Variants in KIF26B observed in about 807,000 individuals in gnomAD.
KIF26B encodes kinesin-like protein KIF26B.
KIF26B carries 63 observed loss-of-function variants against 151.2 expected under a neutral mutation model. The observed-to-expected ratio is 0.42, with a 90% CI of 0.34 to 0.51. The LOEUF is 0.51. KIF26B is among the 20% of genes least tolerant of loss of function. The pLI, the probability that KIF26B is intolerant of heterozygous loss-of-function variation, is 0.07. For missense variants in KIF26B, 2,813 were observed against 2,913.6 expected (o/e 0.97, Z 0.79); for synonymous variants, 1,357 against 1,262.1 (o/e 1.08, Z -1.59).
chr1:245,403,408 T>C (rs1025566798), intron 3 of KIF26B, among the ~76,000 whole-genome samples: 1 of 152,278 alleles, frequency 6.6e-6, no homozygotes, highest in Admixed American at 6.5e-5. Flanking sequence ...TGGGCATGTT[T>C]ACTGATCCTC....
At chr1:245,411,467 C>T (rs1160934685) in intron 3 of KIF26B, among the ~76,000 whole-genome samples, 1 of 152,182 alleles carries the variant, frequency 6.6e-6, no homozygotes, top group African/African-American at 2.4e-5. Context: ...GTGCTTCCCT[C>T]CTCAGTGAGT....
At chr1:245,583,504 G>A (rs943354747) in intron 5 of KIF26B, among the ~76,000 whole-genome samples, 5 of 152,080 alleles carry the variant, frequency 3.3e-5, no homozygotes, top group African/African-American at 1.2e-4. Flanking sequence ...GACCTGCTGG[G>A]GGAAATTCAT....
In KIF26B at chr1:245,702,534, G is replaced by A. The variant is rs764864272; in HGVS notation, c.6255G>A (p.Glu2085=). ...EALECVTERL[E]SRVNFCKAHL... ...TGGAGTGTGTGACGGAGCGCCTGGAGAGCCGTGTCAACTTCTGCAAGGCCC... is the reference window on the plus strand; with the variant it reads ...TGGAGTGTGTGACGGAGCGCCTGGAAAGCCGTGTCAACTTCTGCAAGGCCC... The change falls in exon 15 of 15, where the codon GAG becomes GAA. Residue 2085 remains glutamate, a synonymous_variant. Transcript: ENST00000407071. This position sits in a 1 kb window ranked among gnomAD's most constrained non-coding sequence, Gnocchi z 4.1. The A allele has an allele frequency of 2.5e-6, 4 of 1,613,994 alleles. No individual in the cohort carries two copies. Among genetic ancestry groups the A allele is most frequent in the South Asian group, 1.1e-5 (1 of 91,078 alleles).
chr1:245,194,081 T>C (rs1669153141), intron 2 of KIF26B, among the ~76,000 whole-genome samples: 1 of 152,194 alleles, frequency 6.6e-6, no homozygotes, highest in Admixed American at 6.5e-5. Context: ...GGACACTGGG[T>C]CATTTGATTT....
At chr1:245,573,063 C>A (rs927216216) in intron 5 of KIF26B, among the ~76,000 whole-genome samples, 1 of 152,118 alleles carries the variant, frequency 6.6e-6, no homozygotes, top group African/African-American at 2.4e-5. Context: ...GAATAACAAG[C>A]AAAAGCAAAA....
At chr1:245,196,008 G>A (rs985036875) in intron 2 of KIF26B, among the ~76,000 whole-genome samples, 1 of 152,188 alleles carries the variant, frequency 6.6e-6, no homozygotes, top group Non-Finnish European at 1.5e-5. Context: ...TGGGGCTTGA[G>A]GTTATCCTCG....
In KIF26B at chr1:245,268,978, A is replaced by G. The variant is rs561561595; in HGVS notation, c.466-97856A>G. ...TGTGTAGTGGGTTGAATAGGGACCC[A>G]CCAAAAAAGGTGTGTCCACCTAGAA... On this transcript the variant is annotated intron_variant, in intron 2 of 14. Transcript: ENST00000407071. Among the ~76,000 whole-genome samples, 38 of 152,216 alleles carry G rather than the reference A, an allele frequency of 2.5e-4. No homozygotes were observed. The East Asian group carries it at 7.3e-3, about 29-fold the overall frequency.
chr1:245,581,830 T>G (rs1405948733), intron 5 of KIF26B, among the ~76,000 whole-genome samples: 1 of 152,012 alleles, frequency 6.6e-6, no homozygotes, highest in Non-Finnish European at 1.5e-5. Flanking sequence ...GGTGGGAGGA[T>G]TTCTTGAGCC....
At chr1:245,338,708 A>G (rs1672281106) in intron 2 of KIF26B, among the ~76,000 whole-genome samples, 1 of 152,188 alleles carries the variant, frequency 6.6e-6, no homozygotes, top group Non-Finnish European at 1.5e-5. Context: ...GGCATGGAGC[A>G]GTATGTTGTA....
At chr1:245,353,552 G>T (rs1353375008) in intron 2 of KIF26B, 1 of 152,520 alleles carries the variant, frequency 6.6e-6, no homozygotes, top group African/African-American at 2.4e-5. Context: ...GATTCATGAG[G>T]TGGGGGTCTA....
In KIF26B at chr1:245,422,449, C is replaced by T. The variant is rs146409146; in HGVS notation, c.1166+2704C>T. Reference sequence around the variant, plus strand: ...AAGCAGAAGTGTGACTGACTGGCTCCAGGCTCATCCTGTCAAGAGGCAGAA... The same window carrying T: ...AAGCAGAAGTGTGACTGACTGGCTCTAGGCTCATCCTGTCAAGAGGCAGAA... On this transcript the variant is annotated intron_variant, in intron 4 of 14. Coordinates refer to ENST00000407071, the MANE Select transcript of KIF26B (RefSeq NM_018012.4). Among the ~76,000 whole-genome samples, 602 of 152,280 alleles carry T rather than the reference C, an allele frequency of 4.0e-3. 1 individual carries two copies. The highest frequency in any genetic ancestry group is 7.0e-3 in the Non-Finnish European group (476 of 68,022).
chr1:245,424,073 G>A (rs1768099), intron 4 of KIF26B, among the ~76,000 whole-genome samples: 18,907 of 151,954 alleles, frequency 0.12, 1,482 homozygotes, highest in African/African-American at 0.22. Flanking sequence ...TGAACACCTA[G>A]GCTCAAGCAA....
chr1:245,199,847 C>G (rs1669267735), intron 2 of KIF26B, among the ~76,000 whole-genome samples: 1 of 2,314 alleles, frequency 4.3e-4, no homozygotes, highest in South Asian at 0.25. Context: ...ATCCATCCAC[C>G]CATCCACTTG....
intron 4 of KIF26B, among the ~76,000 whole-genome samples, chr1:245,505,928 A>C (rs1284895241): frequency 1.3e-5 from 2 of 152,194 alleles, no homozygotes; most frequent in African/African-American, 4.8e-5. Flanking sequence ...AAGGATTTTC[A>C]TACATGAGGT....
rs747974154 is a variant in KIF26B, at chr1:245,685,602, G to A, written c.2619G>A (p.Thr873=). 31 of 1,613,644 alleles carry A rather than the reference G, an allele frequency of 1.9e-5. No homozygotes were observed. The highest frequency in any genetic ancestry group is 5.3e-5 in the African/African-American group (4 of 74,922). Reference sequence around the variant, plus strand: ...TCATCTACATCGGGCCCAACGGCACGGCCCTCTCTGACAAGGAGCTCACCG... The same window carrying A: ...TCATCTACATCGGGCCCAACGGCACAGCCCTCTCTGACAAGGAGCTCACCG... ...DTVIYIGPNG[T]ALSDKELTDN... is the part of the protein sequence containing the mutation. Residue 873 remains threonine, a synonymous_variant, in exon 12 of 15, where the codon ACG becomes ACA. Transcript: ENST00000407071.
At chr1:245,637,011 C>A (rs976612248) in intron 9 of KIF26B, among the ~76,000 whole-genome samples, 2 of 151,922 alleles carry the variant, frequency 1.3e-5, no homozygotes, top group Non-Finnish European at 2.9e-5. Context: ...ATACTGATTT[C>A]TTTTACTTTG....
chr1:245,453,051 T>A (rs574510228), intron 4 of KIF26B, among the ~76,000 whole-genome samples: 1 of 152,308 alleles, frequency 6.6e-6, no homozygotes, highest in South Asian at 2.1e-4. Flanking sequence ...CTAAGGGTTT[T>A]ATAGTTATAG....
intron 5 of KIF26B, among the ~76,000 whole-genome samples, chr1:245,590,479 A>G (rs2043276205): frequency 1.3e-5 from 2 of 152,222 alleles, no homozygotes; most frequent in Admixed American, 6.5e-5. Context: ...GATATTTACC[A>G]TTTCTACTCA....
chr1:245,543,466 C>A (rs1484799439), intron 5 of KIF26B, among the ~76,000 whole-genome samples: 1 of 122,920 alleles, frequency 8.1e-6, no homozygotes, highest in Admixed American at 8.7e-5. Flanking sequence ...CTGAGTTCAC[C>A]CATGAGACTG....
Sources: allele counts gnomAD v4.1 joint callset (sites outside exome capture counted in the v4.1 genomes callset), GRCh38; gene constraint gnomAD v4.1.1; non-coding constraint Gnocchi (gnomAD v3.1); transcripts MANE v1.5; gene names NCBI Gene and HGNC (gene_info 2026-07-23, HGNC 2026-07-21).